NOP2: variants seen among roughly 807,000 people sequenced by gnomAD.
NOP2 encodes the protein 28S rRNA (cytosine(4447)-C(5))-methyltransferase.
A neutral mutation model predicts 72.7 loss-of-function variants in NOP2; 7 were observed. The ratio of observed to expected loss-of-function variants is 0.10; its 90% CI spans 0.05 to 0.18. The LOEUF (loss-of-function observed/expected upper bound fraction) is 0.18. Among genes scored for constraint, NOP2 ranks in the 10% least tolerant of loss-of-function variants. The pLI is 1.00. For synonymous variants in NOP2, 387 were observed against 388.0 expected (o/e 1.00, Z 0.03); for missense variants, 954 against 1,014.7 (o/e 0.94, Z 0.81).
In NOP2 at chr12:6,560,685, C is replaced by A. The variant is rs967611602; in HGVS notation, c.1437+13G>T. 2.5e-6 allele frequency: 4 copies of A among 1,613,444 alleles called. No homozygotes were observed. Among genetic ancestry groups the A allele is most frequent in the Middle Eastern group, 1.6e-4 (1 of 6,062 alleles). The stretch of plus-strand genomic sequence containing the variant: ...GCCAAGGCCTCTCAGGGGCCCACCA[C>A]CTGACTCCTCACCTTGTTAGTCTTC... On this transcript the variant is annotated intron_variant, in intron 13 of 15. Transcript: ENST00000322166. The surrounding 1 kb of genome is among the most constrained non-coding windows in gnomAD (Gnocchi z 5.0).
intron 4 of NOP2, 51 bp downstream of exon 4, chr12:6,566,478 C>A: frequency 6.3e-7 from 1 of 1,575,338 alleles, no homozygotes; most frequent in Non-Finnish European, 8.7e-7. Flanking sequence ...CTTCCCTACC[C>A]AGGACCCAAA....
At position 6,561,689 on chromosome 12, in the gene NOP2, G is replaced by A. The variant is rs369023119; in HGVS notation, c.1182C>T (p.Ala394=). 2.5e-6 allele frequency: 4 copies of A among 1,613,696 alleles called. No homozygotes were observed. Among genetic ancestry groups the A allele is most frequent in the African/African-American group, 1.3e-5 (1 of 74,904 alleles). The change falls in exon 11 of 16, where the codon GCC becomes GCT. Residue 394 remains alanine, a synonymous_variant. Coordinates refer to ENST00000322166, the MANE Select transcript of NOP2 (RefSeq NM_001258308.2). ...CCATGTAGCTGGTCTTTCCTCCAGG[G>A]GCACAACACATGTCCAGGATCCGCT... is the stretch of plus-strand genomic sequence containing the variant. ...EHERILDMCC[A]PGGKTSYMAQ...
At chr12:6,564,029 C>T (rs1038227687) in intron 5 of NOP2, 83 bp from the exon 6 acceptor site, 13 of 1,548,404 alleles carry the variant, frequency 8.4e-6, no homozygotes, top group Middle Eastern at 2.2e-4. Flanking sequence ...CTTATTTTTT[C>T]GCTAAATAAA....
rs549004745 is a variant in NOP2 at position 6,557,311 on chromosome 12, G to A, written c.2121C>T (p.Ser707=). The A allele has an allele frequency of 6.2e-7, 1 of 1,614,038 alleles. No homozygotes were observed. The highest frequency in any genetic ancestry group is 1.1e-5 in the South Asian group (1 of 91,090). ...KLKQRSPKLQ[S]SKKVAFLRQN... is the part of the protein sequence containing the mutation. ...GCCTGAGGAAAGCAACTTTCTTGGA[G>A]GACTGTAATTTAGGTGATCGTTGCT... The change falls in exon 16 of 16, where the codon TCC becomes TCT. Residue 707 remains serine, a synonymous_variant. Coordinates refer to ENST00000322166, the MANE Select transcript of NOP2 (RefSeq NM_001258308.2).
At position 6,566,146 on chromosome 12, in the gene NOP2, G is replaced by C; in HGVS notation, c.429C>G (p.Asp143Glu). ...CCTCAGAGTTGGAGTCAGCTCCATA[G>C]TCATCTACCGTATCAGCATCGTCCT... Reference protein sequence around the residue: ...GSEDDADTVDDYGADSNSEDE... With the variant: ...GSEDDADTVDEYGADSNSEDE... The change falls in exon 5 of 16, where the codon GAC (aspartate) becomes GAG (glutamate). Residue 143 changes from aspartate to glutamate, a missense_variant. Coordinates refer to ENST00000322166, the MANE Select transcript of NOP2 (RefSeq NM_001258308.2). 1 of 1,613,954 alleles carries C rather than the reference G, an allele frequency of 6.2e-7. No individual in the cohort carries two copies. The highest frequency in any genetic ancestry group is 1.1e-5 in the South Asian group (1 of 91,066).
rs1409199511 is a variant in NOP2, at chr12:6,557,032, T to G, written c.2400A>C (p.Lys800Asn). The G allele has an allele frequency of 6.2e-7, 1 of 1,613,982 alleles. No individual in the cohort carries two copies. The highest frequency in any genetic ancestry group is 2.2e-5 in the East Asian group (1 of 44,890). Residue 800 changes from lysine to asparagine, a missense_variant, in exon 16 of 16, where the codon AAA (lysine) becomes AAC (asparagine). Transcript: ENST00000322166. Reference sequence around the variant, plus strand: ...GCTGGCTGTTGCCCCTGGACTGAGATTTCTTCCTCTTTGCTGGTGGGGGGC... The same window carrying G: ...GCTGGCTGTTGCCCCTGGACTGAGAGTTCTTCCTCTTTGCTGGTGGGGGGC... The part of the protein sequence containing the change: ...SSRPPPAKRK[K>N]SQSRGNSQLL...
At chr12:6,566,750 T>A (rs780237098) in intron 3 of NOP2, 27 bp downstream of exon 3, 8 of 1,610,716 alleles carry the variant, frequency 5.0e-6, no homozygotes, top group Non-Finnish European at 6.8e-6. Context: ...CAATTTAACC[T>A]ACTTAAGTTT....
In NOP2 at chr12:6,561,052, G is replaced by A. The variant is rs773616064; in HGVS notation, c.1226C>T (p.Thr409Met). The stretch of plus-strand genomic sequence containing the variant: ...GGCGTCATTGGCAAGGATCACACCC[G>A]TGTTCTTCATCAGCTGGGCTAAAGA... ...TSYMAQLMKN[T>M]GVILANDANA... The change falls in exon 12 of 16, where the codon ACG becomes ATG. Residue 409 changes from threonine (T) to methionine (M), a missense_variant. Thr to Met is a moderately conservative substitution (Grantham distance 81). Coordinates refer to ENST00000322166, the MANE Select transcript of NOP2 (RefSeq NM_001258308.2). The A allele has an allele frequency of 9.3e-6, 15 of 1,613,846 alleles. No homozygotes were observed. The highest frequency in any genetic ancestry group is 1.3e-5 in the African/African-American group (1 of 74,916).
Position 6,560,338 on chromosome 12 carries a change from G to A in NOP2, c.1561-12C>T, listed in dbSNP as rs748663934. ...TCATTCTCTTCTACCTGGATGTGGG[G>A]GGAAGACAAAGAACGGAGGAAAAAG... On this transcript the variant is annotated splice_polypyrimidine_tract_variant and intron_variant, in intron 14 of 15. Transcript: ENST00000322166. The surrounding 1 kb of genome is among the most constrained non-coding windows in gnomAD (Gnocchi z 5.0). 5 of 1,611,372 alleles carry A rather than the reference G, an allele frequency of 3.1e-6. No homozygotes were observed. In the South Asian group the frequency reaches 4.4e-5, roughly 14 times the overall value.
intron 1 of NOP2, 131 bp from the exon 2 acceptor site, chr12:6,568,053 G>A (rs746139798): frequency 3.1e-6 from 2 of 652,810 alleles, no homozygotes; most frequent in Non-Finnish European, 5.3e-6. Context: ...CAGCACTCCC[G>A]ACTCAGCACC....
chr12:6,564,210 A>T, intron 5 of NOP2: 2 of 849,300 alleles, frequency 2.4e-6, no homozygotes, highest in Non-Finnish European at 3.4e-6. Context: ...CGGGAGGTGG[A>T]GGTTGCAGTG....
intron 1 of NOP2, 137 bp from the exon 2 acceptor site, chr12:6,568,059 G>C: frequency 1.6e-6 from 1 of 640,088 alleles, no homozygotes; most frequent in South Asian, 1.9e-5. Context: ...TCCCGACTCA[G>C]CACCCGCGAC....
rs1291228996 is a variant in NOP2, at chr12:6,567,813, T to C, written c.103+3A>G. 4 of 1,612,972 alleles carry C rather than the reference T, an allele frequency of 2.5e-6. No homozygotes were observed. The highest frequency in any genetic ancestry group is 2.2e-5 in the East Asian group (1 of 44,890). On this transcript the variant is annotated splice_donor_region_variant and intron_variant, in intron 2 of 15. Coordinates refer to ENST00000322166, the MANE Select transcript of NOP2 (RefSeq NM_001258308.2). ...GGATCAGGAGGCCACAACTAATCCTTACCTGCAGGCAAGAATCTGACGAGT... is the reference window on the plus strand; with the variant it reads ...GGATCAGGAGGCCACAACTAATCCTCACCTGCAGGCAAGAATCTGACGAGT...
chr12:6,566,673 C>T, intron 3 of NOP2, 56 bp from the exon 4 acceptor site: 2 of 1,597,170 alleles, frequency 1.3e-6, no homozygotes, highest in Non-Finnish European at 1.7e-6. Flanking sequence ...CTTCCAGGCT[C>T]TGCCATTTCC....
chr12:6,558,322 G>C (rs1322852979), intron 15 of NOP2, among the ~76,000 whole-genome samples: 2 of 151,724 alleles, frequency 1.3e-5, no homozygotes, highest in Non-Finnish European at 2.9e-5. Flanking sequence ...ACCCAGGCTG[G>C]AGTGCAGTGG....
At position 6,560,439 on chromosome 12, in the gene NOP2, G is replaced by A. The variant is rs150816206; in HGVS notation, c.1560+8C>T. 504 of 1,593,128 alleles carry A rather than the reference G, an allele frequency of 3.2e-4. No individual in the cohort carries two copies. The highest frequency in any genetic ancestry group is 1.4e-3 in the Middle Eastern group (8 of 5,918). ...GCCTCCCCTGCTCTGCCATGGCAGA[G>A]GTCTCACTGTGATAGAACAGGTGCA... On this transcript the variant is annotated splice_region_variant and intron_variant, in intron 14 of 15. Coordinates refer to ENST00000322166, the MANE Select transcript of NOP2 (RefSeq NM_001258308.2). The surrounding 1 kb of genome is among the most constrained non-coding windows in gnomAD (Gnocchi z 5.0).
Position 6,567,872 on chromosome 12 carries a change from C to T in NOP2, c.47G>A (p.Arg16Gln), listed in dbSNP as rs763386179. 5 of 1,613,934 alleles carry T rather than the reference C, an allele frequency of 3.1e-6. No homozygotes were observed. In the Admixed American group the frequency reaches 8.3e-5, roughly 27 times the overall value. The part of the protein sequence containing the change: ...DPTKEKRGPG[R>Q]KARKQKGAET... ...GGCACCCTTCTGCTTCCGGGCCTTT[C>T]GGCCTGGCCCCCGCTTCTCCTTCGT... Residue 16 changes from arginine to glutamine, a missense_variant, in exon 2 of 16, where the codon CGA becomes CAA. By Grantham distance (43) the Arg-to-Gln change is conservative (BLOSUM62 1). Around this residue, in one of 3 missense-constraint regions of NOP2, gnomAD observed 498 missense variants for 478.3 expected, o/e 1.04. Coordinates refer to ENST00000322166, the MANE Select transcript of NOP2 (RefSeq NM_001258308.2).
chr12:6,562,128 C>T (rs1284503324), intron 9 of NOP2, among the ~76,000 whole-genome samples, 157 bp from the exon 10 acceptor site: 3 of 151,704 alleles, frequency 2.0e-5, no homozygotes, highest in Non-Finnish European at 4.4e-5. Flanking sequence ...GTAGCTGGGA[C>T]AACGGGCATG....
At chr12:6,565,243 T>C (rs1947748694) in intron 5 of NOP2, among the ~76,000 whole-genome samples, 1 of 149,434 alleles carries the variant, frequency 6.7e-6, no homozygotes, top group Admixed American at 6.7e-5. Flanking sequence ...AGCCTCAACC[T>C]CCCAAGCTCC....
Sources: allele counts gnomAD v4.1 joint callset (sites outside exome capture counted in the v4.1 genomes callset), GRCh38; gene constraint gnomAD v4.1.1; regional missense constraint gnomAD v4.1.1; non-coding constraint Gnocchi (gnomAD v3.1); transcripts MANE v1.5; gene names NCBI Gene and HGNC (gene_info 2026-07-23, HGNC 2026-07-21).